The following CNTN3 variants were observed in gnomAD, a reference collection of about 807,000 sequenced individuals.
The protein encoded by CNTN3 is contactin-3.
A neutral mutation model predicts 119.1 loss-of-function variants in CNTN3; 60 were observed. The observed-to-expected ratio is 0.50, with a 90% CI of 0.41 to 0.62. The LOEUF (loss-of-function observed/expected upper bound fraction) is 0.62, where lower values mean the gene tolerates loss of function less well. Ranked by LOEUF, CNTN3 falls within the 20% of genes least tolerant of loss-of-function variation. The probability of loss-of-function intolerance (pLI) is 0.00; values close to 1 mark genes in which losing one functional copy is unlikely to be tolerated. For missense variants in CNTN3, 1,101 were observed against 1,242.4 expected (o/e 0.89, Z 1.71); for synonymous variants, 450 against 438.7 (o/e 1.03, Z -0.32).
intron 5 of CNTN3, among the ~76,000 whole-genome samples, chr3:74,398,317 G>A (rs1705106782): frequency 6.6e-6 from 1 of 152,182 alleles, no homozygotes; most frequent in African/African-American, 2.4e-5. Flanking sequence ...TCACCACCCT[G>A]ATCAGTCAGC....
intron 1 of CNTN3, among the ~76,000 whole-genome samples, chr3:74,550,634 A>G (rs547354921): frequency 5.9e-4 from 90 of 152,092 alleles, no homozygotes; most frequent in South Asian, 1.0e-3. Flanking sequence ...GAGCTCCTCA[A>G]CTCAAGCCAT....
At chr3:74,359,101 T>G (rs1704017807) in intron 11 of CNTN3, among the ~76,000 whole-genome samples, 1 of 151,980 alleles carries the variant, frequency 6.6e-6, no homozygotes, top group Admixed American at 6.6e-5. Flanking sequence ...AAAACAGTGG[T>G]TTTGGTTCAT....
intron 4 of CNTN3, among the ~76,000 whole-genome samples, chr3:74,441,610 A>G (rs573062045): frequency 1.3e-5 from 2 of 152,312 alleles, no homozygotes; most frequent in South Asian, 4.1e-4. Context: ...GCAAAAATGT[A>G]TACAAATTAG....
intron 1 of CNTN3, among the ~76,000 whole-genome samples, chr3:74,528,692 T>G (rs947247413): frequency 6.6e-6 from 1 of 151,916 alleles, no homozygotes; most frequent in African/African-American, 2.4e-5. Flanking sequence ...ATGGAATGCT[T>G]AAGTAATCAG....
intron 1 of CNTN3, among the ~76,000 whole-genome samples, chr3:74,590,032 T>G (rs937874603): frequency 6.7e-6 from 1 of 150,272 alleles, no homozygotes; most frequent in Non-Finnish European, 1.5e-5. Flanking sequence ...TGGGTGCAGC[T>G]CACCAGCATG....
At chr3:74,551,277 C>T (rs541073123) in intron 1 of CNTN3, among the ~76,000 whole-genome samples, 2 of 152,300 alleles carry the variant, frequency 1.3e-5, no homozygotes, top group South Asian at 4.1e-4. Flanking sequence ...CACTCAGAAG[C>T]TGTCAGACTG....
chr3:74,455,113 G>A (rs941038242), intron 4 of CNTN3, among the ~76,000 whole-genome samples: 3 of 152,018 alleles, frequency 2.0e-5, no homozygotes, highest in African/African-American at 7.2e-5. Context: ...TTCCAACTTG[G>A]TTCCATTCTC....
At chr3:74,402,259 G>C (rs2106851967) in intron 5 of CNTN3, among the ~76,000 whole-genome samples, 1 of 152,294 alleles carries the variant, frequency 6.6e-6, no homozygotes, top group South Asian at 2.1e-4. Context: ...TAGGAGCACT[G>C]TTTAAGGGAT....
chr3:74,318,304 A>T (rs1702887838), intron 13 of CNTN3, among the ~76,000 whole-genome samples: 1 of 152,030 alleles, frequency 6.6e-6, no homozygotes, highest in Non-Finnish European at 1.5e-5. Flanking sequence ...AGCTCAGAGT[A>T]GTTTGATCGT....
chr3:74,381,065 CT>C (rs1161905274), intron 5 of CNTN3, among the ~76,000 whole-genome samples: 7 of 137,682 alleles, frequency 5.1e-5, no homozygotes, highest in South Asian at 4.6e-4. Context: ...TTTTTTTTTT[CT>C]CTCTCTCTCT....
chr3:74,266,351 A>G, intron 22 of CNTN3, 130 bp downstream of exon 22: 1 of 985,096 alleles, frequency 1.0e-6, no homozygotes, highest in East Asian at 2.4e-5. Flanking sequence ...CTCACCTGCC[A>G]AAACCTTACC....
At chr3:74,293,819 T>C (rs1702281678) in intron 19 of CNTN3, among the ~76,000 whole-genome samples, 1 of 152,200 alleles carries the variant, frequency 6.6e-6, no homozygotes, top group South Asian at 2.1e-4. Flanking sequence ...TCTCCTCCAT[T>C]CTTTAGGGAT....
At chr3:74,403,656 A>C (rs1705252932) in intron 5 of CNTN3, among the ~76,000 whole-genome samples, 2 of 152,166 alleles carry the variant, frequency 1.3e-5, no homozygotes, top group African/African-American at 4.8e-5. Flanking sequence ...TCAGTTTTAA[A>C]TTTTTAAGAG....
intron 2 of CNTN3, among the ~76,000 whole-genome samples, chr3:74,515,682 T>C (rs1036681248): frequency 6.6e-6 from 1 of 152,056 alleles, no homozygotes. Flanking sequence ...AATGAAATTC[T>C]GATTCACTAA....
At chr3:74,607,240 G>A (rs60136156) in intron 1 of CNTN3, among the ~76,000 whole-genome samples, 7,080 of 152,160 alleles carry the variant, frequency 0.047, 236 homozygotes, top group South Asian at 0.12. Context: ...AATATTCACC[G>A]GAATTAGTAA....
chr3:74,563,707 A>T (rs1424748330), intron 1 of CNTN3, among the ~76,000 whole-genome samples: 4 of 152,146 alleles, frequency 2.6e-5, no homozygotes, highest in East Asian at 1.9e-4. Flanking sequence ...GCACAAAGAC[A>T]CACAGACTGA....
Position 74,328,605 on chromosome 3 carries a change from C to T in CNTN3, c.1668+6130G>A, listed in dbSNP as rs531843775. Among the ~76,000 whole-genome samples, 4 of 152,210 alleles carry T rather than the reference C, an allele frequency of 2.6e-5. No homozygotes were observed. In the South Asian group the frequency reaches 8.3e-4, roughly 32 times the overall value. On this transcript the variant is annotated intron_variant, in intron 13 of 22. Transcript: ENST00000263665. ...CCACTGGGGATGGCTTTGGACTATT[C>T]ATCTTCATAAATATTGTACTTGATA...
chr3:74,372,784 C>T (rs779241871), intron 5 of CNTN3, among the ~76,000 whole-genome samples: 2 of 151,998 alleles, frequency 1.3e-5, no homozygotes, highest in East Asian at 1.9e-4. Flanking sequence ...AGAGGAAGGA[C>T]AGGTGCCATT....
chr3:74,428,330 A>G (rs1265812803), intron 4 of CNTN3, among the ~76,000 whole-genome samples: 2 of 151,954 alleles, frequency 1.3e-5, no homozygotes, highest in Non-Finnish European at 2.9e-5. Context: ...TTTCAGAAGG[A>G]GGCATTGTCA....
Sources: gnomAD v4.1 joint callset for allele counts (sites outside exome capture counted in the v4.1 genomes callset) on GRCh38, gnomAD v4.1.1 for gene constraint, MANE v1.5 for transcripts, NCBI Gene and HGNC (gene_info 2026-07-23, HGNC 2026-07-21) for gene names.